Variants in ZRANB3 observed in about 807,000 individuals in gnomAD.
The protein encoded by ZRANB3 is DNA annealing helicase and endonuclease ZRANB3.
In ZRANB3, 125 loss-of-function variants were observed where a neutral mutation model predicts 133.8. That is an observed-to-expected ratio of 0.93 (90% CI 0.81 to 1.08). The LOEUF is 1.08. Ranked by LOEUF, ZRANB3 falls within the 50% of genes least tolerant of loss-of-function variation. The pLI, the probability that ZRANB3 is intolerant of heterozygous loss-of-function variation, is 0.00. For synonymous variants in ZRANB3, 387 were observed against 432.7 expected (o/e 0.89, Z 1.31); for missense variants, 1,229 against 1,275.5 (o/e 0.96, Z 0.56).
At chr2:135,239,517 T>C (rs540328121) in intron 12 of ZRANB3, among the ~76,000 whole-genome samples, 27 of 152,326 alleles carry the variant, frequency 1.8e-4, no homozygotes, top group African/African-American at 6.0e-4. Context: ...CTCTCTCCCC[T>C]GCTCCACTAC....
At chr2:135,354,590 C>T (rs1053768008) in intron 3 of ZRANB3, among the ~76,000 whole-genome samples, 2 of 151,884 alleles carry the variant, frequency 1.3e-5, no homozygotes, top group Non-Finnish European at 2.9e-5. Context: ...GAGTACTATT[C>T]GGTAATAAAA....
intron 6 of ZRANB3, 136 bp downstream of exon 6, chr2:135,345,414 G>T: frequency 1.7e-6 from 1 of 599,090 alleles, no homozygotes; most frequent in Non-Finnish European, 2.9e-6. Flanking sequence ...ATTGTAGTGA[G>T]CCATGATGGT....
chr2:135,470,291 T>C (rs1169824427), intron 2 of ZRANB3, among the ~76,000 whole-genome samples: 1 of 151,426 alleles, frequency 6.6e-6, no homozygotes, highest in Non-Finnish European at 1.5e-5. Context: ...GCCACTGCAC[T>C]CCAACCTGGG....
At chr2:135,403,305 T>C (rs1687830489) in intron 2 of ZRANB3, among the ~76,000 whole-genome samples, 1 of 152,066 alleles carries the variant, frequency 6.6e-6, no homozygotes, top group African/African-American at 2.4e-5. Context: ...CAGGAGATTA[T>C]ATCCCGCACC....
chr2:135,234,134 C>G (rs866583619), intron 12 of ZRANB3, among the ~76,000 whole-genome samples: 2,088 of 151,976 alleles, frequency 0.014, 50 homozygotes, highest in African/African-American at 0.048. Flanking sequence ...AAAAGGCAGG[C>G]GTTGCAATCC....
chr2:135,359,578 G>GAA (rs570839628), intron 3 of ZRANB3, among the ~76,000 whole-genome samples: 1 of 90,642 alleles, frequency 1.1e-5, no homozygotes, highest in East Asian at 3.1e-4. Context: ...ATGAGACCCT[G>GAA]AAAAAAAAAA....
intron 2 of ZRANB3, among the ~76,000 whole-genome samples, chr2:135,489,307 G>C (rs138932976): frequency 0.067 from 7,516 of 112,482 alleles, 544 homozygotes; most frequent in African/African-American, 0.19. Context: ...CGGGACTGTT[G>C]TGGGGTGGGG....
Position 135,411,318 on chromosome 2 carries a change from T to C in ZRANB3, c.162-20498A>G, listed in dbSNP as rs1003069883. 4.0e-5 allele frequency among the ~76,000 whole-genome samples: 6 copies of C among 151,492 alleles called. No individual in the cohort carries two copies. The East Asian group carries it at 1.2e-3, about 29-fold the overall frequency. ...ACTTATACACTGCTGAGGGGGGAGG[T>C]GAGTGTAAATTAGTTCAACCCCGAT... On this transcript the variant is annotated intron_variant, in intron 2 of 20. Coordinates refer to ENST00000264159, the MANE Select transcript of ZRANB3 (RefSeq NM_032143.4).
chr2:135,208,180 A>T (rs1292090915), intron 18 of ZRANB3, among the ~76,000 whole-genome samples: 3 of 152,156 alleles, frequency 2.0e-5, no homozygotes, highest in Non-Finnish European at 4.4e-5. Context: ...AACCCCAACC[A>T]AAGCTTAGTG....
At chr2:135,425,318 G>T (rs906195714) in intron 2 of ZRANB3, among the ~76,000 whole-genome samples, 3 of 152,142 alleles carry the variant, frequency 2.0e-5, no homozygotes, top group Admixed American at 6.5e-5. Context: ...TTCTGGACGA[G>T]ACATCTAAAA....
At chr2:135,385,994 G>A (rs1378265033) in intron 3 of ZRANB3, among the ~76,000 whole-genome samples, 2 of 152,004 alleles carry the variant, frequency 1.3e-5, no homozygotes, top group Non-Finnish European at 2.9e-5. Context: ...AGACAAATGG[G>A]GTCTAATTAA....
chr2:135,209,006 C>T, intron 17 of ZRANB3, 28 bp from the exon 18 acceptor site: 1 of 1,588,082 alleles, frequency 6.3e-7, no homozygotes, highest in Non-Finnish European at 8.6e-7. Context: ...TAAATAGATT[C>T]CCTCTATCTC....
intron 2 of ZRANB3, among the ~76,000 whole-genome samples, chr2:135,414,359 G>A (rs1284234370): frequency 4.6e-5 from 7 of 152,054 alleles, no homozygotes; most frequent in African/African-American, 1.7e-4. Flanking sequence ...GACAAAGAAG[G>A]CCATTACATG....
intron 6 of ZRANB3, among the ~76,000 whole-genome samples, chr2:135,343,044 G>A (rs1684765280): frequency 6.9e-6 from 1 of 144,686 alleles, no homozygotes; most frequent in South Asian, 2.1e-4. Flanking sequence ...AACATTAGCA[G>A]GGCATGGCAG....
At chr2:135,203,163 G>GT (rs1185994849) in intron 19 of ZRANB3, among the ~76,000 whole-genome samples, 200 bp from the exon 20 acceptor site, 1 of 151,986 alleles carries the variant, frequency 6.6e-6, no homozygotes, top group African/African-American at 2.4e-5. Flanking sequence ...TTTCTGAAAG[G>GT]TTTTTTTCTC....
chr2:135,396,775 ATAAT>A (rs1478434093), intron 2 of ZRANB3, among the ~76,000 whole-genome samples: 2 of 152,318 alleles, frequency 1.3e-5, no homozygotes, highest in African/African-American at 4.8e-5. Context: ...ATAGTCAATA[ATAAT>A]TAAATTGTAC....
At chr2:135,280,308 C>T (rs1477319120) in intron 8 of ZRANB3, among the ~76,000 whole-genome samples, 1 of 152,192 alleles carries the variant, frequency 6.6e-6, no homozygotes, top group Non-Finnish European at 1.5e-5. Context: ...GGGCTCATGC[C>T]TGTAATCCCA....
chr2:135,285,867 A>T (rs187682573), intron 8 of ZRANB3, among the ~76,000 whole-genome samples: 1 of 152,334 alleles, frequency 6.6e-6, no homozygotes, highest in East Asian at 1.9e-4. Context: ...GCTGATCACA[A>T]ATCTGAAGAA....
chr2:135,457,336 G>C (rs1194963322), intron 2 of ZRANB3, among the ~76,000 whole-genome samples: 2 of 152,152 alleles, frequency 1.3e-5, no homozygotes, highest in African/African-American at 4.8e-5. Flanking sequence ...GGAAGGGCTG[G>C]ATTATGTGGT....
Sources: gnomAD v4.1 joint callset for allele counts (sites outside exome capture counted in the v4.1 genomes callset) on GRCh38, gnomAD v4.1.1 for gene constraint, MANE v1.5 for transcripts, NCBI Gene and HGNC (gene_info 2026-07-23, HGNC 2026-07-21) for gene names.